PCLAF: variants seen among roughly 807,000 people sequenced by gnomAD.
The protein encoded by PCLAF is PCNA clamp associated factor.
In PCLAF, 12 loss-of-function variants were observed where a neutral mutation model predicts 15.1. That is an observed-to-expected ratio of 0.79 (90% CI 0.51 to 1.29). The LOEUF is 1.29. Among genes scored for constraint, PCLAF ranks in the 50% most tolerant of loss-of-function variants. PCLAF has a pLI of 0.00. For missense variants in PCLAF, 116 were observed against 130.9 expected (o/e 0.89, Z 0.56); for synonymous variants, 33 against 47.1 (o/e 0.70, Z 1.22).
chr15:64,378,990 T>C (rs981883425), intron 2 of PCLAF, among the ~76,000 whole-genome samples: 3 of 152,092 alleles, frequency 2.0e-5, no homozygotes, highest in African/African-American at 7.2e-5. Context: ...TCAAGTTATA[T>C]AACCAGATAT....
At chr15:64,378,277 C>A (rs1023634042) in intron 2 of PCLAF, among the ~76,000 whole-genome samples, 10 of 152,098 alleles carry the variant, frequency 6.6e-5, no homozygotes, top group Admixed American at 6.6e-4. Context: ...AGGGAAAATT[C>A]TTGCCTTTTT....
chr15:64,371,024 A>G (rs1301907323), intron 3 of PCLAF, among the ~76,000 whole-genome samples: 2 of 138,944 alleles, frequency 1.4e-5, no homozygotes, highest in Non-Finnish European at 3.0e-5. Flanking sequence ...GCTGGAGTGC[A>G]GTAGCGCAAT....
At chr15:64,371,007 C>T (rs1348320695) in intron 3 of PCLAF, among the ~76,000 whole-genome samples, 4 of 131,932 alleles carry the variant, frequency 3.0e-5, no homozygotes, top group Non-Finnish European at 6.2e-5. Flanking sequence ...CTCGCGCTGT[C>T]GCCCAGGCTG....
intron 3 of PCLAF, among the ~76,000 whole-genome samples, chr15:64,370,887 G>A (rs1369967805): frequency 9.2e-6 from 1 of 108,606 alleles, no homozygotes. Flanking sequence ...CAAAAGCATT[G>A]TGAATTTAAT....
chr15:64,377,816 A>G (rs907554452), intron 2 of PCLAF, among the ~76,000 whole-genome samples: 2 of 126,096 alleles, frequency 1.6e-5, no homozygotes, highest in African/African-American at 6.1e-5. Context: ...CAGTGGCGCA[A>G]TCTTGGCTTA....
chr15:64,377,815 A>C (rs1488265401), intron 2 of PCLAF, among the ~76,000 whole-genome samples: 6 of 135,084 alleles, frequency 4.4e-5, no homozygotes, highest in Non-Finnish European at 9.2e-5. Context: ...GCAGTGGCGC[A>C]ATCTTGGCTT....
intron 2 of PCLAF, among the ~76,000 whole-genome samples, chr15:64,380,149 G>T (rs1306803188): frequency 6.6e-6 from 1 of 152,046 alleles, no homozygotes; most frequent in Non-Finnish European, 1.5e-5. Context: ...TTGGGAAGCT[G>T]AGGCAGGCAG....
upstream of PCLAF, among the ~76,000 whole-genome samples, chr15:64,384,739 A>G (rs988750501): frequency 7.2e-6 from 1 of 138,170 alleles, no homozygotes; most frequent in Non-Finnish European, 1.6e-5. Flanking sequence ...AAGAATGTCT[A>G]AAAAAAAAAA....
At chr15:64,370,829 GTTTTTTTT>G (rs10607183) in intron 3 of PCLAF, among the ~76,000 whole-genome samples, 34 of 85,792 alleles carry the variant, frequency 4.0e-4, no homozygotes, top group African/African-American at 1.4e-3. Context: ...TCATAAAGTT[GTTTTTTTT>G]TTTTTTTTTT....
chr15:64,385,011 C>T (rs759410690), upstream of PCLAF, among the ~76,000 whole-genome samples: 3 of 151,872 alleles, frequency 2.0e-5, no homozygotes, highest in Non-Finnish European at 4.4e-5. Context: ...TGATCCTCTT[C>T]CAAGTAGCTG....
chr15:64,376,601 T>C, intron 3 of PCLAF, 142 bp downstream of exon 3: 1 of 599,754 alleles, frequency 1.7e-6, no homozygotes. Context: ...GTATTTTTAG[T>C]AGAGACAGGG....
At chr15:64,383,653 CA>C (rs1899879319), upstream of PCLAF, among the ~76,000 whole-genome samples, 1 of 152,096 alleles carries the variant, frequency 6.6e-6, no homozygotes, top group African/African-American at 2.4e-5. Context: ...AAGTGTAAGC[CA>C]CCACACCTGG....
At chr15:64,379,857 G>A (rs986086636) in intron 2 of PCLAF, among the ~76,000 whole-genome samples, 2 of 151,946 alleles carry the variant, frequency 1.3e-5, no homozygotes, top group African/African-American at 4.8e-5. Context: ...GACAGTATTA[G>A]GAGCTGCAAA....
At chr15:64,387,629 T>C (rs1465892770) in exon 1 of PCLAF, 3 of 1,396,616 alleles carry the variant, frequency 2.1e-6, no homozygotes, top group Non-Finnish European at 2.8e-6. Context: ...CGTTTAGCGA[T>C]TGGCAAGAAT....
chr15:64,371,508 C>A (rs967721168), intron 3 of PCLAF, among the ~76,000 whole-genome samples: 1 of 152,258 alleles, frequency 6.6e-6, no homozygotes, highest in South Asian at 2.1e-4. Context: ...TCAGGTGATC[C>A]GCCGGCCTAG....
intron 2 of PCLAF, among the ~76,000 whole-genome samples, 161 bp downstream of exon 2, chr15:64,380,797 C>A (rs141775445): frequency 5.3e-5 from 8 of 152,202 alleles, no homozygotes; most frequent in Non-Finnish European, 1.2e-4. Flanking sequence ...ACCTCCCCCC[C>A]ACCTCTACCC....
At chr15:64,374,412 G>A (rs369710986) in intron 3 of PCLAF, among the ~76,000 whole-genome samples, 5 of 151,972 alleles carry the variant, frequency 3.3e-5, no homozygotes, top group African/African-American at 4.8e-5. Flanking sequence ...GGTGGCGGGC[G>A]CCTGTAGTCC....
At chr15:64,383,655 CCACACCT>C (rs1899879433), upstream of PCLAF, among the ~76,000 whole-genome samples, 1 of 152,112 alleles carries the variant, frequency 6.6e-6, no homozygotes, top group African/African-American at 2.4e-5. Context: ...GTGTAAGCCA[CCACACCT>C]GGCCAGCACA....
chr15:64,372,539 A>G (rs1456936634), intron 3 of PCLAF, among the ~76,000 whole-genome samples: 1 of 152,328 alleles, frequency 6.6e-6, no homozygotes, highest in Admixed American at 6.5e-5. Flanking sequence ...GCATGAACCC[A>G]GGAGGCGGAG....
Sources: allele counts gnomAD v4.1 joint callset (sites outside exome capture counted in the v4.1 genomes callset), GRCh38; gene constraint gnomAD v4.1.1; transcripts MANE v1.5; gene names NCBI Gene and HGNC (gene_info 2026-07-23, HGNC 2026-07-21).